PLA2G4F: variants seen among roughly 807,000 people sequenced by gnomAD.
The protein encoded by PLA2G4F is cytosolic phospholipase A2 zeta.
A neutral mutation model predicts 103.1 loss-of-function variants in PLA2G4F; 105 were observed. The observed-to-expected ratio is 1.02, with a 90% CI of 0.87 to 1.20. The LOEUF is 1.20. PLA2G4F is among the 50% of genes most tolerant of loss of function. The pLI, the probability that PLA2G4F is intolerant of heterozygous loss-of-function variation, is 0.00. For synonymous variants in PLA2G4F, 468 were observed against 441.1 expected, an observed-to-expected ratio of 1.06 and a Z score of -0.76; for missense variants, 1,155 against 1,075.9, an observed-to-expected ratio of 1.07 and a Z score of -1.03.
Position 42,139,893 on chromosome 15 carries a change from T to A in PLA2G4F, c.*2091A>T, listed in dbSNP as rs2141122430. The stretch of plus-strand genomic sequence containing the variant: ...TTGCCTACACTTCTGTGTGAGAAGG[T>A]CCCCGCCCACTCTGCACAAGCCCAC... On this transcript the variant is annotated 3_prime_UTR_variant, in exon 20 of 20. Coordinates refer to ENST00000397272, the MANE Select transcript of PLA2G4F (RefSeq NM_213600.4). The A allele has an allele frequency of 6.6e-6, 1 of 152,282 alleles. No individual in the cohort carries two copies. Among genetic ancestry groups the A allele is most frequent in the East Asian group, 1.9e-4 (1 of 5,162 alleles). 9.4% of individuals were successfully genotyped at this position (152,282 alleles called of 1,614,324 possible).
chr15:42,150,953 C>G, intron 7 of PLA2G4F, 176 bp from the exon 8 acceptor site: 6 of 985,444 alleles, frequency 6.1e-6, no homozygotes, highest in Non-Finnish European at 7.2e-6. Flanking sequence ...TGGAAGGACT[C>G]TTGGGTCCTC....
intron 19 of PLA2G4F, 115 bp from the exon 20 acceptor site, chr15:42,142,319 CT>C: frequency 8.5e-7 from 1 of 1,174,856 alleles, no homozygotes; most frequent in Non-Finnish European, 1.2e-6. Flanking sequence ...GCGGGCCCTG[CT>C]TGGGCCACAT....
At position 42,145,785 on chromosome 15, in the gene PLA2G4F, G is replaced by A. The variant is rs2048877650; in HGVS notation, c.1653C>T (p.Pro551=). 1 of 1,614,030 alleles carries A rather than the reference G, an allele frequency of 6.2e-7. No individual in the cohort carries two copies. Among genetic ancestry groups the A allele is most frequent in the Admixed American group, 1.7e-5 (1 of 60,006 alleles). Residue 551 remains proline (P), a synonymous_variant, in exon 15 of 20, where the codon CCC becomes CCT. Transcript: ENST00000397272. ...MGRLLQLQPE[P]RICYLQGMWG... is the part of the protein sequence containing the mutation. ...ACTCACCTTGCAGGTAACAGATCCG[G>A]GGTTCAGGCTGGAGCTGCAGCAATC...
chr15:42,142,187 C>T lies in PLA2G4F; in HGVS notation c.2347G>A (p.Ala783Thr). ...HLAPGVERQT[A>T]EEKAFGDFVI... ...AAGTCCCCAAAGGCCTTCTCCTCAG[C>T]TGTTTGTCGCTCCACACCTGTGGGT... Residue 783 changes from alanine to threonine, a missense_variant, in exon 20 of 20, where the codon GCT becomes ACT. Physicochemically the swap from Ala to Thr is moderately conservative, Grantham distance 58. This residue lies in a region of PLA2G4F where 782 missense variants were observed against 692.9 expected (regional missense o/e 1.13). Transcript: ENST00000397272. 1 of 1,612,404 alleles carries T rather than the reference C, an allele frequency of 6.2e-7. No homozygotes were observed. The highest frequency in any genetic ancestry group is 1.1e-5 in the South Asian group (1 of 90,722).
intron 19 of PLA2G4F, 97 bp downstream of exon 19, chr15:42,142,431 G>C (rs2048834950): frequency 3.6e-6 from 5 of 1,407,670 alleles, no homozygotes; most frequent in Middle Eastern, 2.1e-4. Flanking sequence ...CAGGAGGCGT[G>C]CTTAGTGACA....
At chr15:42,154,553 G>T in intron 2 of PLA2G4F, 95 bp from the exon 3 acceptor site, 3 of 1,398,618 alleles carry the variant, frequency 2.1e-6, no homozygotes, top group South Asian at 1.6e-5. Context: ...GGAGCAGAGT[G>T]GGGAGGGGAA....
rs754233049 is a variant in PLA2G4F, at chr15:42,152,720, C to T, written c.569G>A (p.Arg190Gln). The T allele has an allele frequency of 1.7e-5, 26 of 1,557,822 alleles. No individual in the cohort carries two copies. Among genetic ancestry groups the T allele is most frequent in the East Asian group, 4.8e-5 (2 of 41,572 alleles). Residue 190 changes from arginine to glutamine, a missense_variant, in exon 7 of 20, where the codon CGG becomes CAG. Coordinates refer to ENST00000397272, the MANE Select transcript of PLA2G4F (RefSeq NM_213600.4). Reference sequence around the variant, plus strand: ...TTCCCGTGGGGCTGTCCCATCTCCCCGGAGCGTGCCCTGGATTCTCAGACA... The same window carrying T: ...TTCCCGTGGGGCTGTCCCATCTCCCTGGAGCGTGCCCTGGATTCTCAGACA... ...HPCLRIQGTLRGDGTAPREEY... is the reference protein window; with the variant it reads ...HPCLRIQGTLQGDGTAPREEY...
rs772928653 is a variant in PLA2G4F, at chr15:42,141,337, C to A, written c.*647G>T. On this transcript the variant is annotated 3_prime_UTR_variant, in exon 20 of 20. Transcript: ENST00000397272. ...GCGCACATCTCCCACCTGGAGCAGC[C>A]AGAATGGGACATCACCCCACAGGCT... The A allele has an allele frequency of 2.2e-6, 1 of 456,682 alleles. No individual in the cohort carries two copies. The highest frequency in any genetic ancestry group is 4.4e-6 in the Non-Finnish European group (1 of 226,968). The allele number at this position is 456,682 out of a possible 1,614,324, so 28.3% of individuals were successfully genotyped here.
rs2048938946 is a variant in PLA2G4F at position 42,150,046 on chromosome 15, T to C, written c.923+58A>G. 42 of 1,606,570 alleles carry C rather than the reference T, an allele frequency of 2.6e-5. No individual in the cohort carries two copies. The South Asian group carries it at 4.5e-4, about 17-fold the overall frequency. On this transcript the variant is annotated intron_variant, in intron 10 of 19. Coordinates refer to ENST00000397272, the MANE Select transcript of PLA2G4F (RefSeq NM_213600.4). ...GGCAAGAGAATGGAGCACGTTGGGG[T>C]ATGTCCCCGCACTTCTAGCCCAGCC...
At position 42,141,720 on chromosome 15, in the gene PLA2G4F, A is replaced by G. The variant is rs188998754; in HGVS notation, c.*264T>C. 2.8e-5 allele frequency: 17 copies of G among 597,896 alleles called. No homozygotes were observed. Among genetic ancestry groups the G allele is most frequent in the Admixed American group, 6.7e-5 (3 of 44,740 alleles). The allele number at this position is 597,896 out of a possible 1,614,324, so 37.0% of individuals were successfully genotyped here. On this transcript the variant is annotated 3_prime_UTR_variant, in exon 20 of 20. Transcript: ENST00000397272. The stretch of plus-strand genomic sequence containing the variant: ...TCTCTCCACACCCCGCTGTGAAATG[A>G]GTGCTGTTCTCTTCTGCCCTACATC...
chr15:42,147,266 A>G lies in PLA2G4F; in HGVS notation c.1277T>C (p.Val426Ala), dbSNP rs749287510. 6.2e-7 allele frequency: 1 copy of G among 1,611,904 alleles called. No individual in the cohort carries two copies. Among genetic ancestry groups the G allele is most frequent in the Admixed American group, 1.7e-5 (1 of 60,000 alleles). The stretch of plus-strand genomic sequence containing the variant: ...CAAAGCTCCCATCTTACTGCTGCAG[A>G]CGTGAACCTGGGCACGCTCAATGGG... Reference protein sequence around the residue: ...QGPIERAQVHVCSSKMGALST... With the variant: ...QGPIERAQVHACSSKMGALST... The change falls in exon 13 of 20, where the codon GTC (valine) becomes GCC (alanine). Residue 426 changes from valine (V) to alanine (A), a missense_variant. Val to Ala is a moderately conservative substitution (Grantham distance 64). This residue lies in a region of PLA2G4F where 782 missense variants were observed against 692.9 expected (regional missense o/e 1.13). Transcript: ENST00000397272.
intron 2 of PLA2G4F, among the ~76,000 whole-genome samples, chr15:42,155,131 TCA>T (rs1187173451): frequency 2.6e-5 from 4 of 151,414 alleles, no homozygotes; most frequent in East Asian, 1.9e-4. Flanking sequence ...ACACTCGCAC[TCA>T]CATATATACA....
chr15:42,144,050 T>C lies in PLA2G4F; in HGVS notation c.2070A>G (p.Pro690=), dbSNP rs1256319922. 6.8e-6 allele frequency: 11 copies of C among 1,614,002 alleles called. No homozygotes were observed. Among genetic ancestry groups the C allele is most frequent in the Non-Finnish European group, 8.5e-6 (10 of 1,179,946 alleles). ...CTGCTCTCTGAGGCAGCAGAGCCAG[T>C]GGGAACGGAGAGTTGATGGCAAAGC... is the stretch of plus-strand genomic sequence containing the variant. ...DGGFAINSPF[P]LALLPQRAVD... Residue 690 remains proline, a synonymous_variant, in exon 18 of 20, where the codon CCA becomes CCG. Transcript: ENST00000397272.
rs2048991092 is a variant in PLA2G4F, at chr15:42,154,375, T to G, written c.268A>C (p.Ser90Arg). 2.5e-6 allele frequency: 4 copies of G among 1,612,378 alleles called. No individual in the cohort carries two copies. Among genetic ancestry groups the G allele is most frequent in the Non-Finnish European group, 3.4e-6 (4 of 1,178,862 alleles). The stretch of plus-strand genomic sequence containing the variant: ...AAGGTCTCATTCCACTCGGGGTCAC[T>G]GCAGTTGGCCACTATCCTAGTCTGG... Reference protein sequence around the residue: ...PAQTRIVANCSDPEWNETFHY... With the variant: ...PAQTRIVANCRDPEWNETFHY... The change falls in exon 3 of 20, where the codon AGT (serine) becomes CGT (arginine). Residue 90 changes from serine (S) to arginine (R), a missense_variant. Physicochemically the swap from Ser to Arg is moderately radical, Grantham distance 110. Coordinates refer to ENST00000397272, the MANE Select transcript of PLA2G4F (RefSeq NM_213600.4).
In PLA2G4F at chr15:42,139,796, C is replaced by A; in HGVS notation, c.*2188G>T. ...ATCTGGGCCACAGCACTAGCCCAGC[C>A]TCCTGCCCCCTGCCCCCTGCCCTTG... On this transcript the variant is annotated 3_prime_UTR_variant, in exon 20 of 20. Transcript: ENST00000397272. 1 of 152,782 alleles carries A rather than the reference C, an allele frequency of 6.5e-6. No individual in the cohort carries two copies. Among genetic ancestry groups the A allele is most frequent in the East Asian group, 2.0e-4 (1 of 5,044 alleles). 9.5% of individuals were successfully genotyped at this position (152,782 alleles called of 1,614,324 possible).
At chr15:42,147,802 A>G (rs201719282) in intron 11 of PLA2G4F, 40 bp from the exon 12 acceptor site, 1 of 1,608,636 alleles carries the variant, frequency 6.2e-7, no homozygotes, top group South Asian at 1.1e-5. Context: ...TCCGACTACC[A>G]CCGTCATTGA....
At chr15:42,149,490 A>G (rs2048929893) in intron 11 of PLA2G4F, 2 of 984,552 alleles carry the variant, frequency 2.0e-6, no homozygotes, top group Non-Finnish European at 2.4e-6. Flanking sequence ...TAAGCCACCT[A>G]GTCTGTGGGG....
At chr15:42,151,400 G>C in intron 7 of PLA2G4F, 1 of 985,306 alleles carries the variant, frequency 1.0e-6, no homozygotes, top group Non-Finnish European at 1.2e-6. Context: ...GGGCTCCGGA[G>C]CTCCCTGCCC....
rs139667397 is a variant in PLA2G4F at position 42,145,896 on chromosome 15, G to A, written c.1542C>T (p.Cys514=). ...AGCCAACCTCATAGGGCGTGAACTC[G>A]CACCACTCTAGGGGCCCGAGTGAAG... is the stretch of plus-strand genomic sequence containing the variant. ...NLSGEDFAEW[C]EFTPYEVGFP... Residue 514 remains cysteine (C), a synonymous_variant, in exon 15 of 20, where the codon TGC becomes TGT. Transcript: ENST00000397272. 120 of 1,613,938 alleles carry A rather than the reference G, an allele frequency of 7.4e-5. No individual in the cohort carries two copies. Among genetic ancestry groups the A allele is most frequent in the African/African-American group, 3.7e-4 (28 of 75,052 alleles).
Sources: allele counts gnomAD v4.1 joint callset (sites outside exome capture counted in the v4.1 genomes callset), GRCh38; gene constraint gnomAD v4.1.1; regional missense constraint gnomAD v4.1.1; transcripts MANE v1.5; gene names NCBI Gene and HGNC (gene_info 2026-07-23, HGNC 2026-07-21).